Variants in SLC6A15 observed in about 807,000 individuals in gnomAD.
SLC6A15 encodes solute carrier family 6 member 15.
A neutral mutation model predicts 68.5 loss-of-function variants in SLC6A15; 33 were observed. The ratio of observed to expected loss-of-function variants is 0.48; its 90% CI spans 0.37 to 0.64. The LOEUF is 0.64. Ranked by LOEUF, SLC6A15 falls within the 30% of genes least tolerant of loss-of-function variation. The probability of loss-of-function intolerance (pLI) is 0.00; values close to 1 mark genes in which losing one functional copy is unlikely to be tolerated. For missense variants in SLC6A15, 747 were observed against 874.3 expected, an observed-to-expected ratio of 0.85 and a Z score of 1.84; for synonymous variants, 347 against 301.0, an observed-to-expected ratio of 1.15 and a Z score of -1.58.
intron 1 of SLC6A15, among the ~76,000 whole-genome samples, chr12:84,897,713 T>C (rs967780613): frequency 1.3e-5 from 2 of 152,080 alleles, no homozygotes; most frequent in South Asian, 2.1e-4. Context: ...ATTCCGATTA[T>C]AAAAGCCACA....
At chr12:84,888,564 G>C (rs1426001623) in intron 2 of SLC6A15, among the ~76,000 whole-genome samples, 1 of 152,126 alleles carries the variant, frequency 6.6e-6, no homozygotes, top group Non-Finnish European at 1.5e-5. Flanking sequence ...TAGGCTGTAA[G>C]TATGCAAAGG....
chr12:84,865,758 T>C (rs1871037497), intron 10 of SLC6A15, among the ~76,000 whole-genome samples: 1 of 152,238 alleles, frequency 6.6e-6, no homozygotes, highest in African/African-American at 2.4e-5. Context: ...TAATGTGCAT[T>C]AAAATTTCCT....
chr12:84,905,321 TA>T (rs1279811120), intron 1 of SLC6A15, among the ~76,000 whole-genome samples: 1 of 152,164 alleles, frequency 6.6e-6, no homozygotes, highest in Non-Finnish European at 1.5e-5. Context: ...CACATGACTA[TA>T]TCTACTGATG....
rs1870818274 is a variant in SLC6A15, at chr12:84,860,924, A to G, written c.*708T>C. The G allele has an allele frequency of 6.6e-6, 1 of 152,138 alleles. No homozygotes were observed. The highest frequency in any genetic ancestry group is 2.1e-4 in the South Asian group (1 of 4,830). 9.4% of individuals were successfully genotyped at this position (152,138 alleles called of 1,614,324 possible). On this transcript the variant is annotated 3_prime_UTR_variant, in exon 12 of 12. Coordinates refer to ENST00000266682, the MANE Select transcript of SLC6A15 (RefSeq NM_182767.6). ...ATAAGAAAAATGCAGAATCTGCATA[A>G]TTCTTGAGAGTGCTGAGTAACTCAC...
At chr12:84,869,259 A>C (rs1258060865) in intron 9 of SLC6A15, among the ~76,000 whole-genome samples, 1 of 152,028 alleles carries the variant, frequency 6.6e-6, no homozygotes, top group Non-Finnish European at 1.5e-5. Flanking sequence ...GGAGATTGAG[A>C]CCATCCTGGC....
chr12:84,880,828 A>G (rs747481422), intron 5 of SLC6A15: 192 of 807,554 alleles, frequency 2.4e-4, no homozygotes, highest in Non-Finnish European at 2.8e-4. Flanking sequence ...TGTTTAAAAA[A>G]TCGAAAACAA....
At chr12:84,882,015 TAC>T (rs1278000597) in intron 5 of SLC6A15, 10 of 980,574 alleles carry the variant, frequency 1.0e-5, no homozygotes, top group Non-Finnish European at 1.2e-5. Context: ...TAAATTGTAT[TAC>T]ATTTTCTATA....
At chr12:84,874,653 A>T (rs1007626135) in intron 6 of SLC6A15, 13 of 152,172 alleles carry the variant, frequency 8.5e-5, no homozygotes, top group African/African-American at 3.1e-4. Flanking sequence ...ATAATTTATG[A>T]ACAATTAACA....
chr12:84,897,872 A>G (rs1872693823), intron 1 of SLC6A15, among the ~76,000 whole-genome samples: 1 of 152,332 alleles, frequency 6.6e-6, no homozygotes, highest in East Asian at 1.9e-4. Flanking sequence ...GTTGAAGAAT[A>G]GAAGTGAACA....
At position 84,861,575 on chromosome 12, in the gene SLC6A15, G is replaced by T. The variant is rs975787239; in HGVS notation, c.*57C>A. The stretch of plus-strand genomic sequence containing the variant: ...GTGAAGCCTAATGCTTCTCCTACTA[G>T]GGCCAATGTTCATTGGTAAAAATGA... On this transcript the variant is annotated 3_prime_UTR_variant, in exon 12 of 12. Coordinates refer to ENST00000266682, the MANE Select transcript of SLC6A15 (RefSeq NM_182767.6). The T allele has an allele frequency of 1.4e-5, 22 of 1,530,080 alleles. No homozygotes were observed. Among genetic ancestry groups the T allele is most frequent in the Non-Finnish European group, 1.9e-5 (22 of 1,137,884 alleles). The allele number at this position is 1,530,080 out of a possible 1,614,324, so 94.8% of individuals were successfully genotyped here.
At chr12:84,910,221 C>A (rs1469110901) in intron 1 of SLC6A15, among the ~76,000 whole-genome samples, 6 of 151,554 alleles carry the variant, frequency 4.0e-5, no homozygotes, top group Admixed American at 3.9e-4. Context: ...ATATAATGTG[C>A]AATCAGAAAA....
intron 1 of SLC6A15, among the ~76,000 whole-genome samples, chr12:84,900,461 T>G (rs890434561): frequency 6.6e-6 from 1 of 151,864 alleles, no homozygotes; most frequent in Non-Finnish European, 1.5e-5. Context: ...TCTTGACTTA[T>G]TTTACTGGCT....
At chr12:84,888,924 CCCT>C (rs1355481637) in intron 2 of SLC6A15, among the ~76,000 whole-genome samples, 1 of 152,064 alleles carries the variant, frequency 6.6e-6, no homozygotes, top group African/African-American at 2.4e-5. Context: ...AGATTTCTTC[CCCT>C]CAAGGTGGGT....
intron 5 of SLC6A15, among the ~76,000 whole-genome samples, chr12:84,879,531 G>C (rs1322860328): frequency 6.6e-6 from 1 of 151,480 alleles, no homozygotes; most frequent in East Asian, 1.9e-4. Flanking sequence ...TCACCGTTTT[G>C]CCCAGGCTGG....
At chr12:84,907,681 C>A (rs977919549) in intron 1 of SLC6A15, among the ~76,000 whole-genome samples, 4 of 152,208 alleles carry the variant, frequency 2.6e-5, no homozygotes, top group Admixed American at 2.0e-4. Context: ...TACCACATAA[C>A]CGAGCAAGTG....
chr12:84,882,476 T>C (rs528666888), intron 5 of SLC6A15: 1 of 938,398 alleles, frequency 1.1e-6, no homozygotes, highest in African/African-American at 1.8e-5. Context: ...TAAAATCAGC[T>C]ACAATTTACA....
chr12:84,870,681 C>G lies in SLC6A15; in HGVS notation c.1303-11G>C, dbSNP rs770323717. On this transcript the variant is annotated splice_polypyrimidine_tract_variant and intron_variant, in intron 8 of 11. Transcript: ENST00000266682. ...GGTCCCCTGAACAGCCTGCAAAATA[C>G]ACAAAATAGCAACATTAGTACAGAG... 1.9e-6 allele frequency: 3 copies of G among 1,582,530 alleles called. No homozygotes were observed. In the African/African-American group the frequency reaches 4.1e-5, roughly 21 times the overall value.
At chr12:84,883,831 G>C in intron 5 of SLC6A15, 28 bp downstream of exon 5, 1 of 1,614,046 alleles carries the variant, frequency 6.2e-7, no homozygotes, top group Non-Finnish European at 8.5e-7. Flanking sequence ...GTGATTAGCA[G>C]AATGAGGAAG....
intron 10 of SLC6A15, 91 bp from the exon 11 acceptor site, chr12:84,863,692 T>C: frequency 1.2e-6 from 1 of 866,020 alleles, no homozygotes; most frequent in Non-Finnish European, 1.6e-6. Flanking sequence ...GACAAACATT[T>C]ACCATTGATA....
Sources: gnomAD v4.1 joint callset for allele counts (sites outside exome capture counted in the v4.1 genomes callset) on GRCh38, gnomAD v4.1.1 for gene constraint, MANE v1.5 for transcripts, NCBI Gene and HGNC (gene_info 2026-07-23, HGNC 2026-07-21) for gene names.